The following HNRNPH1 variants were observed in gnomAD, a reference collection of about 807,000 sequenced individuals.
The protein encoded by HNRNPH1 is heterogeneous nuclear ribonucleoprotein H1.
Under a neutral mutation model 58.6 loss-of-function variants are expected in HNRNPH1, and 4 were observed. The ratio of observed to expected loss-of-function variants is 0.07; its 90% confidence interval spans 0.03 to 0.16. The LOEUF (loss-of-function observed/expected upper bound fraction) is 0.16. HNRNPH1 is among the 10% of genes least tolerant of loss of function. The probability of loss-of-function intolerance (pLI) is 1.00; values close to 1 mark genes in which losing one functional copy is unlikely to be tolerated. For synonymous variants in HNRNPH1, 192 were observed against 189.2 expected, an observed-to-expected ratio of 1.01 and a Z score of -0.12; for missense variants, 271 against 564.2, an observed-to-expected ratio of 0.48 and a Z score of 5.26.
At chr5:179,616,027 CTAAG>C (rs1250010354) in intron 11 of HNRNPH1, 95 bp downstream of exon 12, 1 of 1,071,178 alleles carries the variant, frequency 9.3e-7, no homozygotes, top group East Asian at 2.4e-5. Context: ...GCGACTTACT[CTAAG>C]TACAGTAACA....
rs1324128463 is a variant in HNRNPH1 at position 179,621,405 on chromosome 5, G to A, written c.98-8C>T. The A allele has an allele frequency of 4.3e-6, 7 of 1,611,708 alleles. No homozygotes were observed. Among genetic ancestry groups the A allele is most frequent in the African/African-American group, 2.7e-5 (2 of 74,740 alleles). On this transcript the variant is annotated splice_polypyrimidine_tract_variant and splice_region_variant and intron_variant, in intron 1 of 12. Coordinates refer to ENST00000356731, the Ensembl canonical transcript of HNRNPH1. ...CATTTTGAATTTTGCAGTCTGGAAA[G>A]AAAACAACCGTTAATACAGAATTTA...
At chr5:179,616,842 G>T (rs776500920) in intron 10 of HNRNPH1, 27 bp downstream of exon 11, 32 of 1,590,850 alleles carry the variant, frequency 2.0e-5, no homozygotes, top group Admixed American at 3.4e-5. Flanking sequence ...AAACGTTTTG[G>T]TTTTTAAAAA....
chr5:179,626,716 T>TAA (rs568513306), upstream of HNRNPH1, among the ~76,000 whole-genome samples: 3 of 135,662 alleles, frequency 2.2e-5, no homozygotes, highest in South Asian at 2.4e-4. Context: ...ACTCTGTCTT[T>TAA]AAAAAAAAAA....
At chr5:179,624,498 C>T (rs1774153336) in exon 1 of HNRNPH1, 3 of 398,648 alleles carry the variant, frequency 7.5e-6, no homozygotes, top group Non-Finnish European at 1.3e-5. Context: ...GCGGGCTCCA[C>T]GGGTGCGCGC....
chr5:179,620,701 T>C, intron 3 of HNRNPH1, 191 bp downstream of exon 4: 1 of 577,466 alleles, frequency 1.7e-6, no homozygotes, highest in Non-Finnish European at 3.1e-6. Flanking sequence ...AAAGTTAACA[T>C]TTTGGAAGTA....
chr5:179,633,221 A>C (rs748906187), intron 2 of HNRNPH1, among the ~76,000 whole-genome samples: 33 of 151,746 alleles, frequency 2.2e-4, no homozygotes, highest in South Asian at 4.2e-4. Context: ...TGAACTCCAG[A>C]GATCAGGTAA....
At chr5:179,623,258 A>G in exon 1 of HNRNPH1, 1 of 593,692 alleles carries the variant, frequency 1.7e-6, no homozygotes, top group African/African-American at 1.9e-5. Context: ...CCCACGGAGC[A>G]AAAACCGGGC....
chr5:179,617,868 C>G (rs1770551849), exon 7 of HNRNPH1: 2 of 1,613,728 alleles, frequency 1.2e-6, no homozygotes, highest in Non-Finnish European at 1.7e-6. Context: ...CTGTTGTGCT[C>G]TGGAAAGTAG....
Position 179,623,363 on chromosome 5 carries a change from G to C in HNRNPH1, c.-230C>G, listed in dbSNP as rs572176114. The stretch of plus-strand genomic sequence containing the variant: ...AACAGCTGTCGGCGCCCCGAACCGT[G>C]GGGGCCCGGGCCGAGAGCCAGCGTA... On this transcript the variant is annotated 5_prime_UTR_variant, in exon 1 of 13. Coordinates refer to ENST00000356731, the Ensembl canonical transcript of HNRNPH1. 5.0e-3 allele frequency: 1,821 copies of C among 361,374 alleles called. 14 individuals carry two copies. Among genetic ancestry groups the C allele is most frequent in the Non-Finnish European group, 7.0e-3 (1,317 of 189,192 alleles). 22.4% of individuals were successfully genotyped at this position (361,374 alleles called of 1,614,324 possible).
At chr5:179,615,807 G>T in intron 11 of HNRNPH1, 1 of 523,188 alleles carries the variant, frequency 1.9e-6, no homozygotes, top group East Asian at 3.0e-5. Context: ...TTTATTTAAT[G>T]TTTTAATACA....
chr5:179,625,364 C>G (rs1020459275), upstream of HNRNPH1, among the ~76,000 whole-genome samples: 3 of 151,934 alleles, frequency 2.0e-5, no homozygotes, highest in African/African-American at 7.3e-5. Flanking sequence ...TGCATGCACA[C>G]GCCTGTAATC....
chr5:179,615,298 TAACATA>T (rs1768981052), intron 12 of HNRNPH1: 1 of 453,898 alleles, frequency 2.2e-6, no homozygotes. Flanking sequence ...AAAAAAAATT[TAACATA>T]AACATTCACA....
chr5:179,619,598 T>TA, intron 3 of HNRNPH1, 191 bp from the exon 5 acceptor site: 1 of 506,216 alleles, frequency 2.0e-6, no homozygotes, highest in Non-Finnish European at 3.5e-6. Context: ...TAACTATTCT[T>TA]AACACACCCA....
At chr5:179,617,909 T>A (rs1010813561) in exon 7 of HNRNPH1, 2 of 1,613,984 alleles carry the variant, frequency 1.2e-6, no homozygotes, top group African/African-American at 2.7e-5. Context: ...TGATCAGACA[T>A]TCCTGAAAAA....
At chr5:179,626,409 G>T (rs561331797), upstream of HNRNPH1, among the ~76,000 whole-genome samples, 4 of 149,298 alleles carry the variant, frequency 2.7e-5, no homozygotes, top group Admixed American at 6.7e-5. Flanking sequence ...TCGGCCAAAG[G>T]TTTTTTTAAA....
At chr5:179,618,385 C>A in intron 4 of HNRNPH1, 62 bp from the exon 6 acceptor site, 2 of 1,167,088 alleles carry the variant, frequency 1.7e-6, no homozygotes, top group Non-Finnish European at 1.2e-6. Context: ...TCATTTTATA[C>A]AGGTATTTAG....
chr5:179,615,576 G>T, exon 12 of HNRNPH1: 1 of 1,569,394 alleles, frequency 6.4e-7, no homozygotes, highest in Non-Finnish European at 8.7e-7. Flanking sequence ...AATCACTGGA[G>T]TTTTCCTGTA....
At chr5:179,631,151 T>C (rs1774798114) in intron 2 of HNRNPH1, among the ~76,000 whole-genome samples, 1 of 151,298 alleles carries the variant, frequency 6.6e-6, no homozygotes, top group African/African-American at 2.4e-5. Flanking sequence ...GGGAAGGAAA[T>C]AAATCTTAGG....
intron 2 of HNRNPH1, among the ~76,000 whole-genome samples, chr5:179,633,641 G>A (rs1388509151): frequency 6.6e-6 from 1 of 151,802 alleles, no homozygotes; most frequent in Non-Finnish European, 1.5e-5. Context: ...AAAGCCAGGC[G>A]CAGTGGCTCA....
Sources: allele counts gnomAD v4.1 joint callset (sites outside exome capture counted in the v4.1 genomes callset), GRCh38; gene constraint gnomAD v4.1.1; transcripts MANE v1.5; gene names NCBI Gene and HGNC (gene_info 2026-07-23, HGNC 2026-07-21).